The following MYPN variants were observed in gnomAD, a reference collection of about 807,000 sequenced individuals.
MYPN encodes sarcomeric protein myopalladin, 145 kDa (MYOP).
Under a neutral mutation model 129.4 loss-of-function variants are expected in MYPN, and 63 were observed. That is an observed-to-expected ratio of 0.49 (90% CI 0.40 to 0.60). The LOEUF is 0.60. MYPN is among the 20% of genes least tolerant of loss of function. MYPN has a pLI of 0.00. For synonymous variants in MYPN, 629 were observed against 600.9 expected, an observed-to-expected ratio of 1.05 and a Z score of -0.68; for missense variants, 1,596 against 1,635.4, an observed-to-expected ratio of 0.98 and a Z score of 0.42.
chr10:68,123,760 C>T (rs2042286689), intron 2 of MYPN, among the ~76,000 whole-genome samples: 1 of 151,912 alleles, frequency 6.6e-6, no homozygotes, highest in Non-Finnish European at 1.5e-5. Flanking sequence ...GTTGCACGAG[C>T]CACATTTCAA....
chr10:68,199,546 A>G lies in MYPN; in HGVS notation c.3464A>G (p.Asn1155Ser), dbSNP rs2043673990. 6.2e-7 allele frequency: 1 copy of G among 1,613,600 alleles called. No homozygotes were observed. Among genetic ancestry groups the G allele is most frequent in the African/African-American group, 1.3e-5 (1 of 74,902 alleles). ...KCIATNKTGQ[N>S]SFSLELSVVA... Reference sequence around the variant, plus strand: ...ATCGCTACCAACAAAACCGGGCAGAATTCTTTTAGTCTGGAGCTCTCTGTA... The same window carrying G: ...ATCGCTACCAACAAAACCGGGCAGAGTTCTTTTAGTCTGGAGCTCTCTGTA... Residue 1155 changes from asparagine to serine, a missense_variant, in exon 17 of 20, where the codon AAT becomes AGT. By Grantham distance (46) the Asn-to-Ser change is conservative (BLOSUM62 1). Transcript: ENST00000358913.
In MYPN at chr10:68,122,054, C is replaced by G; in HGVS notation, c.616C>G (p.Arg206Gly). 6.2e-7 allele frequency: 1 copy of G among 1,614,102 alleles called. No homozygotes were observed. The highest frequency in any genetic ancestry group is 2.2e-5 in the East Asian group (1 of 44,872). Residue 206 changes from arginine to glycine, a missense_variant, in exon 2 of 20, where the codon CGA becomes GGA. Coordinates refer to ENST00000358913, the MANE Select transcript of MYPN (RefSeq NM_032578.4). ...CAGTTTCTCAGATCTGTCAGAAAGA[C>G]GAGAAAGATCTTCTGTTCCCATCCC... The part of the protein sequence containing the change: ...SSSFSDLSER[R>G]ERSSVPIPIP...
At chr10:68,160,918 A>G (rs1404647273) in intron 7 of MYPN, among the ~76,000 whole-genome samples, 1 of 152,180 alleles carries the variant, frequency 6.6e-6, no homozygotes, top group African/African-American at 2.4e-5. Context: ...CTTCGTCTCA[A>G]AAAGAAAAAA....
In MYPN at chr10:68,210,899, C is replaced by T. The variant is rs916466159; in HGVS notation, c.*444C>T. 3 of 455,182 alleles carry T rather than the reference C, an allele frequency of 6.6e-6. No homozygotes were observed. The highest frequency in any genetic ancestry group is 2.3e-5 in the Admixed American group (1 of 42,558). The allele number at this position is 455,182 out of a possible 1,614,324, so 28.2% of individuals were successfully genotyped here. ...AGAAAGGCGGACAGGTCACCATCAC[C>T]TTTCATCGATTACATGTATAGCAGT... On this transcript the variant is annotated 3_prime_UTR_variant, in exon 20 of 20. Coordinates refer to ENST00000358913, the MANE Select transcript of MYPN (RefSeq NM_032578.4).
At chr10:68,192,836 G>A (rs1356516062) in intron 13 of MYPN, among the ~76,000 whole-genome samples, 5 of 152,008 alleles carry the variant, frequency 3.3e-5, no homozygotes, top group Admixed American at 2.6e-4. Context: ...GTGATCCTTT[G>A]TGTTTCTGTG....
chr10:68,177,433 G>C (rs1017082948), intron 12 of MYPN, among the ~76,000 whole-genome samples: 1 of 152,190 alleles, frequency 6.6e-6, no homozygotes, highest in Non-Finnish European at 1.5e-5. Context: ...AATCCAAGCT[G>C]CATAAATGAA....
upstream of MYPN, chr10:68,106,529 A>C: frequency 1.6e-6 from 1 of 640,688 alleles, no homozygotes; most frequent in East Asian, 2.8e-5. Context: ...TTTTTCAAAA[A>C]TACGGCATAG....
chr10:68,206,739 A>G (rs1224260999), intron 18 of MYPN, 31 bp from the exon 19 acceptor site: 1 of 1,613,862 alleles, frequency 6.2e-7, no homozygotes, highest in African/African-American at 1.3e-5. Flanking sequence ...CCCCCCGATA[A>G]AATATAGGTA....
chr10:68,145,339 C>A, intron 3 of MYPN, 136 bp from the exon 4 acceptor site: 1 of 732,530 alleles, frequency 1.4e-6, no homozygotes, highest in Non-Finnish European at 2.3e-6. Context: ...GAGTTCATTT[C>A]TAAGATTCTG....
Position 68,199,703 on chromosome 10 carries a change from T to A in MYPN, c.3493+128T>A, listed in dbSNP as rs12358413. ...TCCAATCTCAATTTCCCCTTCACTGTGGTAGGGGTGGTATTTCCCACATCA... is the reference window on the plus strand; with the variant it reads ...TCCAATCTCAATTTCCCCTTCACTGAGGTAGGGGTGGTATTTCCCACATCA... On this transcript the variant is annotated intron_variant, in intron 17 of 19. Transcript: ENST00000358913. 169 of 887,368 alleles carry A rather than the reference T, an allele frequency of 1.9e-4. 1 individual carries two copies. In the Admixed American group the frequency reaches 2.3e-3, roughly 12 times the overall value. 55.0% of individuals were successfully genotyped at this position (887,368 alleles called of 1,614,324 possible).
intron 15 of MYPN, 133 bp from the exon 16 acceptor site, chr10:68,197,219 G>T: frequency 7.1e-6 from 6 of 844,348 alleles, no homozygotes; most frequent in South Asian, 4.6e-5. Context: ...ATTGTTTATA[G>T]TCCAGCCTCC....
At chr10:68,117,643 A>C (rs2042177022) in intron 1 of MYPN, among the ~76,000 whole-genome samples, 1 of 152,166 alleles carries the variant, frequency 6.6e-6, no homozygotes, top group Admixed American at 6.5e-5. Context: ...TTTCAATAGA[A>C]TACAGATACA....
At chr10:68,119,118 T>C (rs1016698084) in intron 1 of MYPN, among the ~76,000 whole-genome samples, 4 of 152,114 alleles carry the variant, frequency 2.6e-5, no homozygotes, top group African/African-American at 9.7e-5. Context: ...TGCACCTTAT[T>C]TCATATATCT....
At chr10:68,105,407 G>A (rs1332555811), upstream of MYPN, among the ~76,000 whole-genome samples, 4 of 152,198 alleles carry the variant, frequency 2.6e-5, no homozygotes, top group African/African-American at 7.2e-5. Flanking sequence ...GTATATTTAT[G>A]TGTGTTAATA....
Position 68,166,032 on chromosome 10 carries a change from C to T in MYPN, c.1600+214C>T, listed in dbSNP as rs2634709. 0.58 allele frequency among the ~76,000 whole-genome samples: 87,955 copies of T among 152,134 alleles called. 27,501 individuals are homozygous for T. The highest frequency in any genetic ancestry group is 0.69 in the Non-Finnish European group (47,033 of 67,990). On this transcript the variant is annotated intron_variant, in intron 9 of 19. Transcript: ENST00000358913. ...CACCCCAGTTAACCTGCTGTCATCA[C>T]TATATTTCCTGAGAACATCTCCTCA...
chr10:68,160,440 A>AAC (rs1554844450), intron 7 of MYPN, among the ~76,000 whole-genome samples: 9 of 148,682 alleles, frequency 6.1e-5, no homozygotes, highest in African/African-American at 1.7e-4. Flanking sequence ...AAAAAAAAAA[A>AAC]AAAAAAAAAA....
chr10:68,099,466 C>A (rs2041972099), intron 1 of MYPN, among the ~76,000 whole-genome samples: 1 of 152,010 alleles, frequency 6.6e-6, no homozygotes, highest in South Asian at 2.1e-4. Context: ...GACACCCAGT[C>A]TCTATTAAAA....
chr10:68,190,848 G>T (rs1321202880), intron 13 of MYPN, among the ~76,000 whole-genome samples: 1 of 152,184 alleles, frequency 6.6e-6, no homozygotes, highest in Non-Finnish European at 1.5e-5. Context: ...AATGTATTTA[G>T]ACTGGATTTT....
intron 1 of MYPN, among the ~76,000 whole-genome samples, chr10:68,095,876 C>T (rs2041954385): frequency 6.6e-6 from 1 of 152,026 alleles, no homozygotes; most frequent in African/African-American, 2.4e-5. Flanking sequence ...GTACTCAATG[C>T]CACAGAACTG....
Sources: gnomAD v4.1 joint callset for allele counts (sites outside exome capture counted in the v4.1 genomes callset) on GRCh38, gnomAD v4.1.1 for gene constraint, MANE v1.5 for transcripts, NCBI Gene and HGNC (gene_info 2026-07-23, HGNC 2026-07-21) for gene names.